The following MARCHF1 variants were observed in gnomAD, a reference collection of about 807,000 sequenced individuals.
MARCHF1 encodes membrane associated ring-CH-type finger 1, also known as E3 ubiquitin-protein ligase MARCHF1.
Under a neutral mutation model 54.2 loss-of-function variants are expected in MARCHF1, and 40 were observed. The ratio of observed to expected loss-of-function variants is 0.74; its 90% CI spans 0.57 to 0.96. The LOEUF is 0.96. Ranked by LOEUF, MARCHF1 falls within the 40% of genes least tolerant of loss-of-function variation. MARCHF1 has a pLI of 0.00. For synonymous variants in MARCHF1, 236 were observed against 236.3 expected, an observed-to-expected ratio of 1.00 and a Z score of 0.01; for missense variants, 586 against 656.5, an observed-to-expected ratio of 0.89 and a Z score of 1.17.
At chr4:164,261,796 A>G (rs1733473678) in intron 1 of MARCHF1, among the ~76,000 whole-genome samples, 1 of 152,146 alleles carries the variant, frequency 6.6e-6, no homozygotes, top group Non-Finnish European at 1.5e-5. Context: ...ACAACCTAAT[A>G]TATTCTCAGT....
chr4:164,221,935 T>G (rs1182779361), intron 1 of MARCHF1, among the ~76,000 whole-genome samples: 1 of 151,954 alleles, frequency 6.6e-6, no homozygotes, highest in Non-Finnish European at 1.5e-5. Context: ...CCACTTTTCT[T>G]AAGTTCAAGA....
intron 1 of MARCHF1, among the ~76,000 whole-genome samples, chr4:164,132,102 T>C (rs1207646405): frequency 6.6e-6 from 1 of 152,126 alleles, no homozygotes. Context: ...TAGCTAGTAA[T>C]AAAAATGTTT....
intron 4 of MARCHF1, among the ~76,000 whole-genome samples, chr4:163,727,314 CTT>C (rs35283708): frequency 9.1e-4 from 131 of 143,582 alleles, no homozygotes; most frequent in African/African-American, 8.7e-4. Context: ...TCTTTTTTTT[CTT>C]TTTTTTTTTT....
chr4:164,285,450 T>A (rs539115232), intron 1 of MARCHF1, among the ~76,000 whole-genome samples: 129 of 152,078 alleles, frequency 8.5e-4, no homozygotes, highest in African/African-American at 2.7e-3. Flanking sequence ...TTAATTTATT[T>A]ATTTATTTTT....
chr4:164,246,778 C>T (rs1157240043), intron 1 of MARCHF1, among the ~76,000 whole-genome samples: 1 of 122,356 alleles, frequency 8.2e-6, no homozygotes, highest in African/African-American at 2.9e-5. Flanking sequence ...ACAAACAACC[C>T]CATCAAAAAG....
At chr4:163,616,646 G>A (rs746485126) in intron 5 of MARCHF1, among the ~76,000 whole-genome samples, 1 of 152,054 alleles carries the variant, frequency 6.6e-6, no homozygotes, top group Admixed American at 6.5e-5. Context: ...TTGGGAGGAT[G>A]TGCTGGAGGC....
chr4:163,652,967 A>G (rs780541397), intron 5 of MARCHF1, among the ~76,000 whole-genome samples: 4 of 151,842 alleles, frequency 2.6e-5, no homozygotes, highest in African/African-American at 4.8e-5. Flanking sequence ...GAGTTCATGT[A>G]TTATCAAAGG....
intron 8 of MARCHF1, among the ~76,000 whole-genome samples, chr4:163,563,512 C>G (rs1178210882): frequency 1.3e-5 from 2 of 152,172 alleles, no homozygotes; most frequent in Non-Finnish European, 2.9e-5. Context: ...TTCTAATACA[C>G]CCAGGCAGAA....
intron 3 of MARCHF1, among the ~76,000 whole-genome samples, chr4:163,860,926 T>A (rs1463771656): frequency 6.6e-6 from 1 of 152,066 alleles, no homozygotes; most frequent in Non-Finnish European, 1.5e-5. Context: ...AACAAAAAAT[T>A]ACGAAGCATG....
chr4:163,593,503 T>G (rs923221879), intron 7 of MARCHF1, among the ~76,000 whole-genome samples: 1 of 152,210 alleles, frequency 6.6e-6, no homozygotes, highest in Admixed American at 6.6e-5. Context: ...AATTATGCAG[T>G]TATAACCTTT....
At chr4:163,715,451 C>A (rs1338601819) in intron 4 of MARCHF1, among the ~76,000 whole-genome samples, 1 of 152,124 alleles carries the variant, frequency 6.6e-6, no homozygotes, top group Non-Finnish European at 1.5e-5. Flanking sequence ...GCCTCACGTG[C>A]TTTCAAAATG....
chr4:164,048,170 A>G (rs1754280869), intron 2 of MARCHF1, among the ~76,000 whole-genome samples: 1 of 152,166 alleles, frequency 6.6e-6, no homozygotes, highest in Admixed American at 6.6e-5. Flanking sequence ...ACAATATATT[A>G]CTTTTCAATT....
intron 2 of MARCHF1, among the ~76,000 whole-genome samples, chr4:164,000,790 C>A (rs1368907936): frequency 6.6e-6 from 1 of 151,610 alleles, no homozygotes; most frequent in Non-Finnish European, 1.5e-5. Context: ...AATTTGACAG[C>A]TTTTCTTTCA....
At chr4:164,201,751 T>C (rs1378539963) in intron 1 of MARCHF1, among the ~76,000 whole-genome samples, 1 of 152,108 alleles carries the variant, frequency 6.6e-6, no homozygotes, top group East Asian at 1.9e-4. Flanking sequence ...TGGGGAAGAA[T>C]AGGGAAGGAA....
At chr4:164,203,854 G>T (rs185957609) in intron 1 of MARCHF1, among the ~76,000 whole-genome samples, 18 of 152,208 alleles carry the variant, frequency 1.2e-4, no homozygotes, top group African/African-American at 4.3e-4. Context: ...AGCTGAGACT[G>T]AACTAAAAAT....
intron 5 of MARCHF1, among the ~76,000 whole-genome samples, chr4:163,626,758 C>G (rs978119156): frequency 1.3e-5 from 2 of 152,106 alleles, no homozygotes; most frequent in African/African-American, 4.8e-5. Context: ...GAAACCCCAT[C>G]TCTACTAAAA....
At position 163,525,819 on chromosome 4, in the gene MARCHF1, A is replaced by G. The variant is rs1738084363; in HGVS notation, c.*2929T>C. The G allele has an allele frequency of 6.6e-6, 1 of 152,160 alleles. No individual in the cohort carries two copies. Among genetic ancestry groups the G allele is most frequent in the South Asian group, 2.1e-4 (1 of 4,836 alleles). The allele number at this position is 152,160 out of a possible 1,614,324, so 9.4% of individuals were successfully genotyped here. A position where few individuals can be genotyped will look rare whatever the true frequency, so the allele number is the denominator to read the frequency against. ...GAAGGGTATAGTCAGTCAGTCTACA[A>G]AAAAGCACTGCCACAAAGCTAAATC... On this transcript the variant is annotated 3_prime_UTR_variant, in exon 10 of 10. Transcript: ENST00000514618.
chr4:163,905,930 A>C (rs1751056495), intron 3 of MARCHF1, among the ~76,000 whole-genome samples: 1 of 152,110 alleles, frequency 6.6e-6, no homozygotes, highest in Non-Finnish European at 1.5e-5. Context: ...TCTAAGTCAC[A>C]TGGAAAGTTC....
chr4:163,632,263 C>A (rs1385537772), intron 5 of MARCHF1, among the ~76,000 whole-genome samples: 1 of 152,180 alleles, frequency 6.6e-6, no homozygotes, highest in Non-Finnish European at 1.5e-5. Flanking sequence ...CGAATAGGAA[C>A]AGCTCCGGTC....
Sources: gnomAD v4.1 joint callset for allele counts (sites outside exome capture counted in the v4.1 genomes callset) on GRCh38, gnomAD v4.1.1 for gene constraint, MANE v1.5 for transcripts, NCBI Gene and HGNC (gene_info 2026-07-23, HGNC 2026-07-21) for gene names.